TYW1: variants seen among roughly 807,000 people sequenced by gnomAD.
TYW1 encodes the protein S-adenosyl-L-methionine-dependent tRNA 4-demethylwyosine synthase TYW1.
A neutral mutation model predicts 96.2 loss-of-function variants in TYW1; 46 were observed. The observed-to-expected ratio is 0.48, with a 90% CI of 0.38 to 0.61. The LOEUF (loss-of-function observed/expected upper bound fraction) is 0.61. Ranked by LOEUF, TYW1 falls within the 20% of genes least tolerant of loss-of-function variation. TYW1 has a pLI of 0.00. For missense variants in TYW1, 684 were observed against 909.6 expected (o/e 0.75, Z 3.19); for synonymous variants, 274 against 323.0 (o/e 0.85, Z 1.63).
At chr7:67,111,237 T>A (rs1210843052) in intron 12 of TYW1, among the ~76,000 whole-genome samples, 1 of 151,828 alleles carries the variant, frequency 6.6e-6, no homozygotes, top group Non-Finnish European at 1.5e-5. Flanking sequence ...GGAATCTTGC[T>A]CTGTCACCCA....
At chr7:67,195,540 C>T (rs531247321) in intron 15 of TYW1, among the ~76,000 whole-genome samples, 1 of 152,096 alleles carries the variant, frequency 6.6e-6, no homozygotes, top group Non-Finnish European at 1.5e-5. Flanking sequence ...TTGTTTAGCC[C>T]TCCTCTGGAC....
chr7:67,130,279 G>T (rs1221363719), intron 13 of TYW1, among the ~76,000 whole-genome samples: 2 of 152,028 alleles, frequency 1.3e-5, no homozygotes, highest in Non-Finnish European at 2.9e-5. Flanking sequence ...TACTCGGGAG[G>T]CTGAGGCAGG....
chr7:67,116,530 A>C (rs11769985), intron 12 of TYW1, among the ~76,000 whole-genome samples: 2 of 151,430 alleles, frequency 1.3e-5, no homozygotes, highest in African/African-American at 4.9e-5. Flanking sequence ...CTACAAAAAA[A>C]TTTTAAAAAT....
At chr7:67,132,261 G>A (rs1158972294) in intron 13 of TYW1, among the ~76,000 whole-genome samples, 3 of 150,896 alleles carry the variant, frequency 2.0e-5, no homozygotes, top group Non-Finnish European at 2.9e-5. Flanking sequence ...ATAGGTGTCC[G>A]CCACTGTGCC....
intron 13 of TYW1, among the ~76,000 whole-genome samples, chr7:67,129,930 C>A (rs552844479): frequency 6.6e-6 from 1 of 152,274 alleles, no homozygotes; most frequent in African/African-American, 2.4e-5. Context: ...TTCCCAAGTA[C>A]CATTTATTGA....
intron 13 of TYW1, among the ~76,000 whole-genome samples, chr7:67,182,314 G>T (rs1799865949): frequency 6.6e-6 from 1 of 152,100 alleles, no homozygotes; most frequent in Admixed American, 6.6e-5. Context: ...TATAATCCCA[G>T]CCCTTCGGAA....
rs1793179900 is a variant in TYW1, at chr7:66,996,848, C to G, written c.-131C>G. On this transcript the variant is annotated 5_prime_UTR_variant, in exon 1 of 16. Coordinates refer to ENST00000359626, the MANE Select transcript of TYW1 (RefSeq NM_018264.4). ...CAGGACCGGCCTGGCAGTGTCATGG[C>G]TGCCCACAGGTCTGCAGGCACTCGG... 2.7e-6 allele frequency: 4 copies of G among 1,506,360 alleles called. No homozygotes were observed. The highest frequency in any genetic ancestry group is 2.4e-5 in the South Asian group (2 of 84,546). 93.3% of individuals were successfully genotyped at this position (1,506,360 alleles called of 1,614,324 possible). A position where few individuals can be genotyped will look rare whatever the true frequency, so the allele number is the denominator to read the frequency against.
chr7:67,115,561 T>C (rs775001905), intron 12 of TYW1, among the ~76,000 whole-genome samples: 19 of 152,188 alleles, frequency 1.2e-4, no homozygotes, highest in Non-Finnish European at 2.5e-4. Flanking sequence ...TTGTGATTTT[T>C]CTATATATCA....
At chr7:67,053,838 T>C (rs1795435102) in intron 8 of TYW1, among the ~76,000 whole-genome samples, 1 of 152,246 alleles carries the variant, frequency 6.6e-6, no homozygotes, top group Non-Finnish European at 1.5e-5. Context: ...AGAAATCCCC[T>C]GTAGACTCTT....
chr7:67,136,004 C>T (rs1396714666), intron 13 of TYW1, among the ~76,000 whole-genome samples: 1 of 152,188 alleles, frequency 6.6e-6, no homozygotes, highest in Non-Finnish European at 1.5e-5. Context: ...TATCTTCATA[C>T]CTTTTATATG....
At chr7:67,097,313 C>T (rs1796950284) in intron 11 of TYW1, among the ~76,000 whole-genome samples, 1 of 152,252 alleles carries the variant, frequency 6.6e-6, no homozygotes, top group Admixed American at 6.5e-5. Flanking sequence ...ACGTAACAAC[C>T]ATCTGAGAAG....
At chr7:67,228,909 G>C (rs1306330588) in intron 15 of TYW1, among the ~76,000 whole-genome samples, 1 of 152,212 alleles carries the variant, frequency 6.6e-6, no homozygotes, top group Non-Finnish European at 1.5e-5. Context: ...AGTTACAAGG[G>C]AAACCGATGG....
chr7:67,018,255 C>G, intron 6 of TYW1, 112 bp downstream of exon 6: 1 of 1,394,212 alleles, frequency 7.2e-7, no homozygotes, highest in Non-Finnish European at 9.7e-7. Flanking sequence ...GAAGGAAGAT[C>G]TGGCTGAGTG....
chr7:67,121,909 G>A (rs188816596), intron 13 of TYW1, among the ~76,000 whole-genome samples: 1 of 147,944 alleles, frequency 6.8e-6, no homozygotes. Context: ...TGAGTATGTG[G>A]GCTAAAAACC....
At chr7:67,082,846 ATGGAG>A (rs2115770087) in intron 10 of TYW1, among the ~76,000 whole-genome samples, 1 of 152,198 alleles carries the variant, frequency 6.6e-6, no homozygotes, top group Admixed American at 6.5e-5. Context: ...TTGTATGGCC[ATGGAG>A]TGATGGTGGT....
At chr7:67,017,604 A>G (rs543458996) in intron 5 of TYW1, among the ~76,000 whole-genome samples, 17 of 152,114 alleles carry the variant, frequency 1.1e-4, no homozygotes, top group African/African-American at 4.1e-4. Flanking sequence ...TCATTTGATA[A>G]AGGGGGTTTG....
intron 10 of TYW1, among the ~76,000 whole-genome samples, chr7:67,074,232 C>T (rs1796136266): frequency 6.6e-6 from 1 of 152,126 alleles, no homozygotes; most frequent in South Asian, 2.1e-4. Flanking sequence ...TCACATCATA[C>T]TTAGGTTGTA....
intron 15 of TYW1, among the ~76,000 whole-genome samples, chr7:67,222,495 T>A (rs956748606): frequency 3.9e-5 from 6 of 152,210 alleles, no homozygotes; most frequent in Non-Finnish European, 7.3e-5. Context: ...TTCAGCACTT[T>A]AAACATTATT....
At chr7:67,135,302 GTTT>G (rs869257148) in intron 13 of TYW1, among the ~76,000 whole-genome samples, 5 of 111,806 alleles carry the variant, frequency 4.5e-5, no homozygotes, top group African/African-American at 7.6e-5. Flanking sequence ...TGTTAAAACA[GTTT>G]TTTTTTTTTT....
Sources: gnomAD v4.1 joint callset for allele counts (sites outside exome capture counted in the v4.1 genomes callset) on GRCh38, gnomAD v4.1.1 for gene constraint, MANE v1.5 for transcripts, NCBI Gene and HGNC (gene_info 2026-07-23, HGNC 2026-07-21) for gene names.